CFAP97: variants seen among roughly 807,000 people sequenced by gnomAD.
CFAP97 encodes the protein cilia- and flagella-associated protein 97.
A neutral mutation model predicts 43.1 loss-of-function variants in CFAP97; 36 were observed. The observed-to-expected ratio is 0.84, with a 90% confidence interval of 0.64 to 1.10. The LOEUF is 1.10. Among genes scored for constraint, CFAP97 ranks in the 50% least tolerant of loss-of-function variants. CFAP97 has a pLI of 0.00. For missense variants in CFAP97, 657 were observed against 620.3 expected (o/e 1.06, Z -0.63); for synonymous variants, 228 against 225.7 (o/e 1.01, Z -0.09).
chr4:185,192,090 C>A (rs891532982), intron 1 of CFAP97, among the ~76,000 whole-genome samples: 1 of 152,158 alleles, frequency 6.6e-6, no homozygotes, highest in African/African-American at 2.4e-5. Flanking sequence ...CCCTTTCTGC[C>A]CCTTTACTGC....
intron 1 of CFAP97, among the ~76,000 whole-genome samples, chr4:185,196,620 G>C (rs1261109483): frequency 1.3e-5 from 2 of 152,254 alleles, no homozygotes; most frequent in African/African-American, 2.4e-5. Flanking sequence ...AAATGCCACT[G>C]ATCTATGGAG....
At chr4:185,195,654 T>C (rs1736503130) in intron 1 of CFAP97, among the ~76,000 whole-genome samples, 1 of 150,038 alleles carries the variant, frequency 6.7e-6, no homozygotes, top group Admixed American at 6.7e-5. Context: ...GGGAGAGGAG[T>C]AGTGTGCTCA....
chr4:185,196,333 G>C (rs1736541555), intron 1 of CFAP97, among the ~76,000 whole-genome samples: 1 of 152,084 alleles, frequency 6.6e-6, no homozygotes, highest in Admixed American at 6.5e-5. Context: ...AATTAGCTGG[G>C]TGTGGTGGCA....
intron 2 of CFAP97, chr4:185,182,050 G>C (rs892940906): frequency 3.9e-5 from 6 of 152,048 alleles, no homozygotes; most frequent in Non-Finnish European, 8.8e-5. Flanking sequence ...AATACATCCT[G>C]TAGTGATTAT....
intron 1 of CFAP97, among the ~76,000 whole-genome samples, chr4:185,193,279 GA>G (rs1304560134): frequency 6.6e-6 from 1 of 152,106 alleles, no homozygotes; most frequent in Non-Finnish European, 1.5e-5. Flanking sequence ...ACATAAAAAT[GA>G]AAAAATAATT....
Position 185,191,126 on chromosome 4 carries a change from C to T in CFAP97, c.71G>A (p.Gly24Glu). The change falls in exon 2 of 5, where the codon GGA becomes GAA. Residue 24 changes from glycine (G) to glutamate (E), a missense_variant. Gly to Glu is a moderately conservative substitution (Grantham distance 98). Transcript: ENST00000458385. ...HSFFDSDFEE[G>E]KKCETNSVFD... is the part of the protein sequence containing the mutation. ...AACTGAGTTAGTTTCACATTTCTTT[C>T]CTTCTTCAAAGTCACTGTCAAAGAA... 3.1e-6 allele frequency: 5 copies of T among 1,611,070 alleles called. No homozygotes were observed. Among genetic ancestry groups the T allele is most frequent in the Non-Finnish European group, 4.2e-6 (5 of 1,179,224 alleles).
At chr4:185,202,349 G>C (rs1736884894) in intron 1 of CFAP97, among the ~76,000 whole-genome samples, 1 of 152,096 alleles carries the variant, frequency 6.6e-6, no homozygotes, top group Admixed American at 6.5e-5. Flanking sequence ...AGGAGCTTGA[G>C]ACCAGCCTGG....
At chr4:185,204,093 T>G (rs1336425125), upstream of CFAP97, 6 of 149,320 alleles carry the variant, frequency 4.0e-5, no homozygotes, top group African/African-American at 7.4e-5. Flanking sequence ...GCGGCGGGCG[T>G]CACAGAGCGC....
chr4:185,181,205 G>A (rs559748986), intron 2 of CFAP97, among the ~76,000 whole-genome samples: 2 of 151,450 alleles, frequency 1.3e-5, no homozygotes, highest in East Asian at 3.9e-4. Context: ...GAACCAGGAA[G>A]GCGGAGGTTG....
At chr4:185,187,499 G>C (rs1209838516) in intron 2 of CFAP97, among the ~76,000 whole-genome samples, 1 of 151,490 alleles carries the variant, frequency 6.6e-6, no homozygotes, top group Admixed American at 6.6e-5. Context: ...AGCTCCCAAA[G>C]ATAGATGTCT....
intron 2 of CFAP97, among the ~76,000 whole-genome samples, chr4:185,187,044 A>G (rs868242696): frequency 1.6e-4 from 24 of 152,356 alleles, no homozygotes; most frequent in African/African-American, 5.3e-4. Context: ...GAAAGTGGCC[A>G]TAAGAATTAT....
chr4:185,165,604 A>T (rs1254076811), intron 3 of CFAP97, among the ~76,000 whole-genome samples: 2 of 152,216 alleles, frequency 1.3e-5, no homozygotes, highest in African/African-American at 4.8e-5. Context: ...CAAAGGGAGT[A>T]CTGACCTGCA....
chr4:185,205,558 G>A (rs571882686), upstream of CFAP97, among the ~76,000 whole-genome samples: 27 of 152,206 alleles, frequency 1.8e-4, no homozygotes, highest in South Asian at 1.9e-3. Flanking sequence ...GGCCCGGCGC[G>A]GTGGCTCACG....
At chr4:185,205,512 G>A (rs528645723), upstream of CFAP97, among the ~76,000 whole-genome samples, 2 of 152,160 alleles carry the variant, frequency 1.3e-5, no homozygotes, top group East Asian at 3.9e-4. Flanking sequence ...AACTGTGTTG[G>A]CACCACTTTC....
Position 185,160,097 on chromosome 4 carries a change from T to A in CFAP97, c.*2701A>T, listed in dbSNP as rs1488987144. ...GAGAAAACAACTGCATTACACTACA[T>A]TTTTAAGCAAACCAAAGAACTTTAT... On this transcript the variant is annotated 3_prime_UTR_variant, in exon 5 of 5. Transcript: ENST00000458385. 6.8e-5 allele frequency: 3 copies of A among 44,380 alleles called. No homozygotes were observed. The allele number at this position is 44,380 out of a possible 1,614,324, so 2.7% of individuals were successfully genotyped here.
At chr4:185,168,296 C>CTTT (rs11372860) in intron 3 of CFAP97, among the ~76,000 whole-genome samples, 2 of 148,974 alleles carry the variant, frequency 1.3e-5, no homozygotes, top group African/African-American at 2.5e-5. Context: ...AGTTTGCCCA[C>CTTT]TTTTTTTTTT....
At chr4:185,181,259 C>T (rs1454269795) in intron 2 of CFAP97, among the ~76,000 whole-genome samples, 1 of 86,690 alleles carries the variant, frequency 1.2e-5, no homozygotes, top group African/African-American at 4.9e-5. Flanking sequence ...GACTCCGTCT[C>T]AAAAAAAATA....
In CFAP97 at chr4:185,176,037, C is replaced by CT; in HGVS notation, c.1068dup (p.Asp357ArgfsTer2). 1 of 1,585,714 alleles carries CT rather than the reference C, an allele frequency of 6.3e-7. No homozygotes were observed. The highest frequency in any genetic ancestry group is 8.6e-7 in the Non-Finnish European group (1 of 1,168,682). On this transcript the variant is annotated frameshift_variant, in exon 3 of 5. Transcript: ENST00000458385. LOFTEE classifies it high-confidence loss of function. ...TGATGTTTTTGTGGTCCTTTTTTAT[C>CT]TAATTGCAGAAAAGCTACAGAAAAG...
chr4:185,169,806 C>T (rs769537654), intron 3 of CFAP97: 58 of 985,376 alleles, frequency 5.9e-5, no homozygotes, highest in Non-Finnish European at 2.4e-5. Context: ...CTGCTCTCTA[C>T]ATTTCAACAG....
Sources: gnomAD v4.1 joint callset for allele counts (sites outside exome capture counted in the v4.1 genomes callset) on GRCh38, gnomAD v4.1.1 for gene constraint, MANE v1.5 for transcripts, NCBI Gene and HGNC (gene_info 2026-07-23, HGNC 2026-07-21) for gene names.